Variants in ZNF704 observed in about 807,000 individuals in gnomAD.
The protein encoded by ZNF704 is glucocorticoid induced gene 1.
In ZNF704, 10 loss-of-function variants were observed where a neutral mutation model predicts 44.7. The ratio of observed to expected loss-of-function variants is 0.22; its 90% CI spans 0.14 to 0.38. ZNF704 has a LOEUF of 0.38. ZNF704 is among the 10% of genes least tolerant of loss of function. The pLI, the probability that ZNF704 is intolerant of heterozygous loss-of-function variation, is 1.00. For synonymous variants in ZNF704, 211 were observed against 207.6 expected (o/e 1.02, Z -0.14); for missense variants, 390 against 545.5 (o/e 0.71, Z 2.84).
At chr8:80,730,303 C>T (rs1438748246) in intron 2 of ZNF704, among the ~76,000 whole-genome samples, 3 of 151,816 alleles carry the variant, frequency 2.0e-5, no homozygotes, top group African/African-American at 4.8e-5. Context: ...TTTGGGAGGC[C>T]GAAGTGGGCA....
intron 1 of ZNF704, among the ~76,000 whole-genome samples, chr8:80,833,348 C>A (rs1808501481): frequency 6.6e-6 from 1 of 150,862 alleles, no homozygotes; most frequent in Non-Finnish European, 1.5e-5. Flanking sequence ...GACTCCGTCT[C>A]AAAAAAAAGA....
intron 2 of ZNF704, among the ~76,000 whole-genome samples, chr8:80,788,291 G>A (rs1252221491): frequency 6.6e-6 from 1 of 152,152 alleles, no homozygotes; most frequent in Non-Finnish European, 1.5e-5. Flanking sequence ...ACTAGAAAAT[G>A]CAGAACTTTT....
At chr8:80,782,553 G>C (rs980395511) in intron 2 of ZNF704, among the ~76,000 whole-genome samples, 1 of 152,122 alleles carries the variant, frequency 6.6e-6, no homozygotes, top group African/African-American at 2.4e-5. Context: ...ATAATCACAT[G>C]ATATGTAGAG....
Position 80,641,177 on chromosome 8 carries a change from T to G in ZNF704, c.*189A>C. On this transcript the variant is annotated 3_prime_UTR_variant, in exon 9 of 9. Transcript: ENST00000327835. ...GCTGGGTTCTCAGTAAGAGCAACTT[T>G]CTTTTGTCATAGGTGGTGACTTAAA... 1 of 418,168 alleles carries G rather than the reference T, an allele frequency of 2.4e-6. No individual in the cohort carries two copies. Among genetic ancestry groups the G allele is most frequent in the South Asian group, 7.0e-5 (1 of 14,314 alleles). 25.9% of individuals were successfully genotyped at this position (418,168 alleles called of 1,614,324 possible).
At chr8:80,673,098 T>G (rs1164878653) in intron 4 of ZNF704, 2 of 152,224 alleles carry the variant, frequency 1.3e-5, no homozygotes, top group African/African-American at 4.8e-5. Flanking sequence ...ATCTATGATT[T>G]TGATGGGTAT....
chr8:80,826,402 C>T (rs1808376445), intron 1 of ZNF704, among the ~76,000 whole-genome samples: 1 of 152,156 alleles, frequency 6.6e-6, no homozygotes. Context: ...CCTGAATAGA[C>T]CAATAACAGG....
chr8:80,693,463 T>C (rs1032098998), intron 2 of ZNF704, among the ~76,000 whole-genome samples: 1 of 152,124 alleles, frequency 6.6e-6, no homozygotes, highest in Admixed American at 6.5e-5. Context: ...AACACACTTA[T>C]CAGGAAACAA....
chr8:80,643,680 C>T (rs1048496448), intron 7 of ZNF704, among the ~76,000 whole-genome samples: 2 of 152,034 alleles, frequency 1.3e-5, no homozygotes, highest in Non-Finnish European at 2.9e-5. Context: ...CATTTTTTTA[C>T]TTCATATCTA....
At chr8:80,672,383 GAA>G (rs1462609085) in intron 4 of ZNF704, among the ~76,000 whole-genome samples, 1 of 152,178 alleles carries the variant, frequency 6.6e-6, no homozygotes, top group Non-Finnish European at 1.5e-5. Flanking sequence ...ACTAAAAATA[GAA>G]GTACCATTCG....
chr8:80,790,068 C>T (rs754298434), intron 2 of ZNF704, among the ~76,000 whole-genome samples: 8 of 152,056 alleles, frequency 5.3e-5, no homozygotes. Flanking sequence ...TTATCAATAC[C>T]ACAGCATTTC....
intron 8 of ZNF704, among the ~76,000 whole-genome samples, chr8:80,641,704 T>C (rs1817746961): frequency 6.6e-6 from 1 of 152,110 alleles, no homozygotes; most frequent in Non-Finnish European, 1.5e-5. Context: ...CTGTCTCTAC[T>C]TAAAACACAC....
At chr8:80,759,832 T>G (rs1807098274) in intron 2 of ZNF704, among the ~76,000 whole-genome samples, 1 of 152,038 alleles carries the variant, frequency 6.6e-6, no homozygotes, top group Non-Finnish European at 1.5e-5. Context: ...CATGGCTTAC[T>G]GCAGCCTCAA....
intron 2 of ZNF704, among the ~76,000 whole-genome samples, chr8:80,725,854 C>T (rs918357072): frequency 6.6e-6 from 1 of 152,110 alleles, no homozygotes; most frequent in Admixed American, 6.5e-5. Context: ...TAAATATATA[C>T]ATTTAAGCAG....
intron 1 of ZNF704, among the ~76,000 whole-genome samples, chr8:80,838,214 G>C (rs907918349): frequency 1.3e-5 from 2 of 152,110 alleles, no homozygotes; most frequent in African/African-American, 4.8e-5. Flanking sequence ...CATTGCAGCT[G>C]GCCTGGGAAT....
intron 1 of ZNF704, among the ~76,000 whole-genome samples, chr8:80,831,486 T>C (rs1405298531): frequency 6.6e-6 from 1 of 152,236 alleles, no homozygotes; most frequent in Non-Finnish European, 1.5e-5. Flanking sequence ...TTCATAAATA[T>C]GAGCTGATAT....
chr8:80,681,756 T>C (rs1280259051), intron 4 of ZNF704, among the ~76,000 whole-genome samples: 1 of 152,170 alleles, frequency 6.6e-6, no homozygotes, highest in East Asian at 1.9e-4. Context: ...CATCTCATCT[T>C]TGGGGACGTC....
intron 2 of ZNF704, among the ~76,000 whole-genome samples, chr8:80,794,817 T>G (rs1807770452): frequency 6.6e-6 from 1 of 152,226 alleles, no homozygotes; most frequent in Admixed American, 6.5e-5. Flanking sequence ...AAATTGCAAC[T>G]AAACTTGAGG....
intron 5 of ZNF704, among the ~76,000 whole-genome samples, chr8:80,667,221 A>T (rs1818209357): frequency 6.6e-6 from 1 of 152,204 alleles, no homozygotes; most frequent in South Asian, 2.1e-4. Flanking sequence ...AGGCAAGGTC[A>T]TCCAGGGCCT....
chr8:80,779,599 A>T (rs1413128489), intron 2 of ZNF704, among the ~76,000 whole-genome samples: 1 of 152,114 alleles, frequency 6.6e-6, no homozygotes, highest in Non-Finnish European at 1.5e-5. Flanking sequence ...ACATTATCTA[A>T]AGGAAAATAG....
Sources: allele counts gnomAD v4.1 joint callset (sites outside exome capture counted in the v4.1 genomes callset), GRCh38; gene constraint gnomAD v4.1.1; transcripts MANE v1.5; gene names NCBI Gene and HGNC (gene_info 2026-07-23, HGNC 2026-07-21).